The following PRKN variants were observed in gnomAD, a reference collection of about 807,000 sequenced individuals.
PRKN encodes the protein parkin RBR E3 ubiquitin protein ligase, also known as E3 ubiquitin-protein ligase parkin.
A neutral mutation model predicts 59.5 loss-of-function variants in PRKN; 56 were observed. The ratio of observed to expected loss-of-function variants is 0.94; its 90% CI spans 0.76 to 1.18. The LOEUF (loss-of-function observed/expected upper bound fraction) is 1.18. PRKN is among the 50% of genes most tolerant of loss of function. The probability of loss-of-function intolerance (pLI) is 0.00; values close to 1 mark genes in which losing one functional copy is unlikely to be tolerated. For missense variants in PRKN, 657 were observed against 596.4 expected (o/e 1.10, Z -1.06); for synonymous variants, 250 against 222.1 (o/e 1.13, Z -1.12).
At chr6:161,953,833 A>G (rs570989277) in intron 6 of PRKN, among the ~76,000 whole-genome samples, 72 of 152,314 alleles carry the variant, frequency 4.7e-4, no homozygotes, top group African/African-American at 1.6e-3. Context: ...AGATCCATGA[A>G]TAAGCCCTTT....
chr6:162,463,296 T>A (rs894625157), intron 1 of PRKN, among the ~76,000 whole-genome samples: 1 of 152,180 alleles, frequency 6.6e-6, no homozygotes, highest in Middle Eastern at 3.4e-3. Flanking sequence ...AAGCACAAAG[T>A]TTTGCATGGA....
rs1397810677 is a variant in PRKN at position 161,808,491 on chromosome 6, G to T, written c.735-22583C>A. Among the ~76,000 whole-genome samples the T allele has an allele frequency of 3.3e-5, 5 of 152,164 alleles. No homozygotes were observed. In the East Asian group the frequency reaches 9.6e-4, roughly 29 times the overall value. ...AAATTGTAATGAATAACGTGTGTGT[G>T]TTGAAAGACACAGAAAAGGAGATAT... On this transcript the variant is annotated intron_variant, in intron 6 of 11. Transcript: ENST00000366898.
chr6:161,501,610 A>G (rs1477717506), intron 9 of PRKN, among the ~76,000 whole-genome samples: 2 of 152,088 alleles, frequency 1.3e-5, no homozygotes, highest in East Asian at 1.9e-4. Context: ...GGAATCAGAA[A>G]TCAGGCTTCA....
At chr6:162,212,956 T>C (rs757988503) in intron 3 of PRKN, among the ~76,000 whole-genome samples, 10 of 152,228 alleles carry the variant, frequency 6.6e-5, no homozygotes, top group Non-Finnish European at 1.5e-4. Flanking sequence ...AGAAACTTTT[T>C]AGCTCAATTA....
chr6:162,385,931 A>G (rs180849298), intron 2 of PRKN, among the ~76,000 whole-genome samples: 5 of 152,302 alleles, frequency 3.3e-5, no homozygotes, highest in African/African-American at 1.2e-4. Flanking sequence ...CTATGTCAAA[A>G]TAAGTAAAAT....
At chr6:161,882,779 G>A (rs1194702139) in intron 6 of PRKN, among the ~76,000 whole-genome samples, 4 of 151,596 alleles carry the variant, frequency 2.6e-5, no homozygotes, top group African/African-American at 9.7e-5. Flanking sequence ...CGAGGTGGGT[G>A]GATCACTTGA....
chr6:161,856,105 A>T (rs1793638967), intron 6 of PRKN, among the ~76,000 whole-genome samples: 1 of 152,158 alleles, frequency 6.6e-6, no homozygotes, highest in Non-Finnish European at 1.5e-5. Context: ...CACGCCTGTA[A>T]ACCCAGCACT....
chr6:162,571,326 A>C (rs1381220712), intron 1 of PRKN: 1 of 34,460 alleles, frequency 2.9e-5, no homozygotes, highest in Non-Finnish European at 5.6e-5. Context: ...CTCATTTCAA[A>C]AAAAAAAAAA....
intron 5 of PRKN, among the ~76,000 whole-genome samples, chr6:161,979,975 T>C (rs542970910): frequency 8.5e-5 from 13 of 152,224 alleles, no homozygotes; most frequent in African/African-American, 3.1e-4. Flanking sequence ...AGAATCCAAC[T>C]GTATAAACAC....
intron 7 of PRKN, among the ~76,000 whole-genome samples, chr6:161,740,692 G>T (rs1788150125): frequency 6.6e-6 from 1 of 152,230 alleles, no homozygotes; most frequent in African/African-American, 2.4e-5. Flanking sequence ...GCCATAGACA[G>T]GTGTGGAACA....
chr6:161,843,302 T>G (rs547921443), intron 6 of PRKN, among the ~76,000 whole-genome samples: 8 of 152,332 alleles, frequency 5.3e-5, no homozygotes, highest in Admixed American at 1.3e-4. Flanking sequence ...TGAAGCCACC[T>G]TCTGTCTCCT....
intron 1 of PRKN, among the ~76,000 whole-genome samples, chr6:162,621,869 G>T (rs988764492): frequency 6.6e-6 from 1 of 152,058 alleles, no homozygotes; most frequent in African/African-American, 2.4e-5. Flanking sequence ...AGGCTGGAGG[G>T]CAGTGGCACC....
At chr6:162,541,880 A>G (rs1778938254) in intron 1 of PRKN, among the ~76,000 whole-genome samples, 1 of 152,144 alleles carries the variant, frequency 6.6e-6, no homozygotes, top group African/African-American at 2.4e-5. Context: ...GCTGACATTC[A>G]GTGATTGGCT....
At chr6:162,518,412 T>C (rs906131339) in intron 1 of PRKN, among the ~76,000 whole-genome samples, 9 of 152,156 alleles carry the variant, frequency 5.9e-5, no homozygotes, top group Non-Finnish European at 1.2e-4. Flanking sequence ...GCTGCCCAGG[T>C]TGGAGTGCTG....
chr6:161,389,390 T>C (rs908355598), intron 9 of PRKN, among the ~76,000 whole-genome samples: 2 of 152,242 alleles, frequency 1.3e-5, no homozygotes, highest in African/African-American at 4.8e-5. Context: ...ACTTTTAGCA[T>C]ATTATATTCT....
At chr6:162,547,220 A>C (rs1455458759) in intron 1 of PRKN, among the ~76,000 whole-genome samples, 2 of 152,184 alleles carry the variant, frequency 1.3e-5, no homozygotes, top group Non-Finnish European at 2.9e-5. Context: ...AACTAGAATA[A>C]ACCAGAAGAA....
intron 6 of PRKN, among the ~76,000 whole-genome samples, chr6:161,970,215 T>C (rs1780747711): frequency 6.6e-6 from 1 of 151,820 alleles, no homozygotes; most frequent in Admixed American, 6.6e-5. Context: ...CTAATTTTTA[T>C]ATTTTTTGTA....
At chr6:161,839,799 A>C (rs1583230906) in intron 6 of PRKN, among the ~76,000 whole-genome samples, 1 of 152,334 alleles carries the variant, frequency 6.6e-6, no homozygotes, top group East Asian at 1.9e-4. Flanking sequence ...GAACACACGG[A>C]AAAAAGTCCA....
intron 7 of PRKN, among the ~76,000 whole-genome samples, chr6:161,597,086 T>G (rs1781941955): frequency 6.6e-6 from 1 of 152,108 alleles, no homozygotes; most frequent in Non-Finnish European, 1.5e-5. Flanking sequence ...ACAAGAGGCT[T>G]TGGGCCTCAC....
Sources: allele counts gnomAD v4.1 joint callset (sites outside exome capture counted in the v4.1 genomes callset), GRCh38; gene constraint gnomAD v4.1.1; transcripts MANE v1.5; gene names NCBI Gene and HGNC (gene_info 2026-07-23, HGNC 2026-07-21).